The following CCDC192 variants were observed in gnomAD, a reference collection of about 807,000 sequenced individuals.
CCDC192 encodes coiled-coil domain containing 192.
intron 5 of CCDC192, among the ~76,000 whole-genome samples, chr5:127,822,800 A>C (rs1474993224): frequency 6.6e-6 from 1 of 152,150 alleles, no homozygotes; most frequent in East Asian, 1.9e-4. Flanking sequence ...AACGGATAAA[A>C]TGGCCCTCAA....
chr5:127,866,571 C>T (rs1389781669), intron 5 of CCDC192, among the ~76,000 whole-genome samples: 1 of 150,948 alleles, frequency 6.6e-6, no homozygotes, highest in Non-Finnish European at 1.5e-5. Context: ...GTCATGTGCT[C>T]ACATGATTCA....
chr5:127,760,774 T>C (rs1188837811), intron 3 of CCDC192, among the ~76,000 whole-genome samples: 8 of 151,012 alleles, frequency 5.3e-5, no homozygotes. Context: ...GAGCCCCGTG[T>C]TATAGTTTGC....
chr5:127,800,959 G>T (rs1287415709), intron 5 of CCDC192, among the ~76,000 whole-genome samples: 1 of 152,078 alleles, frequency 6.6e-6, no homozygotes, highest in African/African-American at 2.4e-5. Context: ...ATATGTGAGT[G>T]AATTCAGAGC....
At chr5:127,859,195 T>A (rs1751249804) in intron 5 of CCDC192, among the ~76,000 whole-genome samples, 1 of 152,252 alleles carries the variant, frequency 6.6e-6, no homozygotes, top group Admixed American at 6.5e-5. Flanking sequence ...AATTGTAGAA[T>A]AAGCTATGAT....
chr5:127,839,544 C>G (rs767584981), intron 5 of CCDC192, among the ~76,000 whole-genome samples: 2 of 152,004 alleles, frequency 1.3e-5, no homozygotes, highest in Non-Finnish European at 2.9e-5. Context: ...TACAGGTCAA[C>G]TTTTAAATCA....
At chr5:127,745,111 G>T (rs1166949370) in intron 2 of CCDC192, among the ~76,000 whole-genome samples, 1 of 152,154 alleles carries the variant, frequency 6.6e-6, no homozygotes, top group Non-Finnish European at 1.5e-5. Flanking sequence ...TATTTATCAG[G>T]CTCCTACTTA....
At chr5:127,829,458 A>G (rs1749687117) in intron 5 of CCDC192, among the ~76,000 whole-genome samples, 1 of 152,212 alleles carries the variant, frequency 6.6e-6, no homozygotes, top group Non-Finnish European at 1.5e-5. Context: ...CTATGACAGC[A>G]CTATAATTTC....
In CCDC192 at chr5:127,714,032, ACTCT is replaced by A. The variant is rs1319344070; in HGVS notation, c.114+6275_114+6278del. Among the ~76,000 whole-genome samples, 22 of 151,848 alleles carry A rather than the reference ACTCT, an allele frequency of 1.4e-4. No individual in the cohort carries two copies. The East Asian group carries it at 4.3e-3, about 29-fold the overall frequency. ...TTCAGCCTCTGGTAACCCCTATTTT[ACTCT>A]CTATTTCTATGAAATTGATTTTTTT... On this transcript the variant is annotated intron_variant, in intron 2 of 6. Coordinates refer to ENST00000514853, the MANE Select transcript of CCDC192 (RefSeq NM_001317938.2).
chr5:127,894,198 T>C (rs1752809028), intron 6 of CCDC192, among the ~76,000 whole-genome samples: 1 of 146,900 alleles, frequency 6.8e-6, no homozygotes. Context: ...TTTTTTTTTT[T>C]TTTTTTTTTT....
chr5:127,902,366 T>C (rs2127167777), intron 6 of CCDC192, among the ~76,000 whole-genome samples: 1 of 151,972 alleles, frequency 6.6e-6, no homozygotes, highest in East Asian at 1.9e-4. Context: ...TTTTTTTTTT[T>C]CCATTCTTGA....
intron 6 of CCDC192, among the ~76,000 whole-genome samples, chr5:127,908,098 G>A (rs1030313016): frequency 1.3e-5 from 2 of 152,178 alleles, no homozygotes; most frequent in Non-Finnish European, 2.9e-5. Context: ...GTGCTCACCT[G>A]TAGAGGACCC....
chr5:127,832,047 AAAAAAG>A (rs1196598329), intron 5 of CCDC192, among the ~76,000 whole-genome samples: 2 of 152,082 alleles, frequency 1.3e-5, no homozygotes, highest in Admixed American at 6.5e-5. Context: ...ATCAATTTTT[AAAAAAG>A]AAAAAGAAAA....
At position 127,708,720 on chromosome 5, in the gene CCDC192, A is replaced by AT. The variant is rs574796759; in HGVS notation, c.114+965dup. Among the ~76,000 whole-genome samples, 133 of 152,262 alleles carry AT rather than the reference A, an allele frequency of 8.7e-4. 1 individual carries two copies. Among genetic ancestry groups the AT allele is most frequent in the African/African-American group, 3.2e-3 (133 of 41,560 alleles). ...ACTTAACTAGTGCACTTCAAATAAGATTTTTGGGATGTGAAAATGGTTAAG... is the reference window on the plus strand; with the variant it reads ...ACTTAACTAGTGCACTTCAAATAAGATTTTTTGGGATGTGAAAATGGTTAAG... On this transcript the variant is annotated intron_variant, in intron 2 of 6. Transcript: ENST00000514853.
chr5:127,721,644 A>G (rs1293011129), intron 2 of CCDC192, among the ~76,000 whole-genome samples: 1 of 152,096 alleles, frequency 6.6e-6, no homozygotes, highest in Non-Finnish European at 1.5e-5. Flanking sequence ...CCCAGTATCA[A>G]TTTTCTGCAT....
At chr5:127,769,204 C>T (rs1370953476) in intron 3 of CCDC192, among the ~76,000 whole-genome samples, 1 of 152,104 alleles carries the variant, frequency 6.6e-6, no homozygotes, top group Non-Finnish European at 1.5e-5. Flanking sequence ...TTAATAATTG[C>T]ACCAAGTGAT....
intron 2 of CCDC192, among the ~76,000 whole-genome samples, chr5:127,753,939 A>T: frequency 6.6e-6 from 1 of 152,210 alleles, no homozygotes. Context: ...TCCATCAGGA[A>T]TGTGAAATTT....
chr5:127,831,241 A>C (rs1274696704), intron 5 of CCDC192, among the ~76,000 whole-genome samples: 2 of 151,918 alleles, frequency 1.3e-5, no homozygotes, highest in Non-Finnish European at 2.9e-5. Context: ...TATATTTTTT[A>C]AGTTCATAAG....
chr5:127,827,865 TC>T (rs1225329149), intron 5 of CCDC192, among the ~76,000 whole-genome samples: 1 of 152,116 alleles, frequency 6.6e-6, no homozygotes, highest in East Asian at 1.9e-4. Flanking sequence ...CCATGTAAAA[TC>T]CTTCACCAAG....
chr5:127,779,457 G>A (rs1041114919), intron 3 of CCDC192, among the ~76,000 whole-genome samples: 1 of 151,752 alleles, frequency 6.6e-6, no homozygotes, highest in Non-Finnish European at 1.5e-5. Flanking sequence ...CACCACGCCT[G>A]GCTAATTTAT....
Sources: allele counts gnomAD v4.1 joint callset (sites outside exome capture counted in the v4.1 genomes callset), GRCh38; gene constraint gnomAD v4.1.1; transcripts MANE v1.5; gene names NCBI Gene and HGNC (gene_info 2026-07-23, HGNC 2026-07-21).